The following CCDC60 variants were observed in gnomAD, a reference collection of about 807,000 sequenced individuals.
The protein encoded by CCDC60 is coiled-coil domain containing 60.
Under a neutral mutation model 63.5 loss-of-function variants are expected in CCDC60, and 54 were observed. The observed-to-expected ratio is 0.85, with a 90% CI of 0.68 to 1.07. CCDC60 has a LOEUF of 1.07. Ranked by LOEUF, CCDC60 falls within the 50% of genes least tolerant of loss-of-function variation. The pLI, the probability that CCDC60 is intolerant of heterozygous loss-of-function variation, is 0.00. For missense variants in CCDC60, 651 were observed against 684.3 expected (o/e 0.95, Z 0.54); for synonymous variants, 206 against 238.8 (o/e 0.86, Z 1.27).
chr12:119,420,706 G>A lies in CCDC60; in HGVS notation c.91-7977G>A, dbSNP rs1402435904. ...AATAACTCACTTTTTAAATGACTAA[G>A]AGTATAATTGGATTGTTTGTAACTC... On this transcript the variant is annotated intron_variant, in intron 1 of 13. Coordinates refer to ENST00000327554, the MANE Select transcript of CCDC60 (RefSeq NM_178499.5). The surrounding 1 kb of genome is among the most constrained non-coding windows in gnomAD (Gnocchi z 4.1). 5.3e-5 allele frequency among the ~76,000 whole-genome samples: 8 copies of A among 152,144 alleles called. No individual in the cohort carries two copies. Among genetic ancestry groups the A allele is most frequent in the African/African-American group, 1.9e-4 (8 of 41,438 alleles).
chr12:119,473,661 C>T (rs1197389714), intron 3 of CCDC60, among the ~76,000 whole-genome samples: 1 of 152,130 alleles, frequency 6.6e-6, no homozygotes, highest in Non-Finnish European at 1.5e-5. Flanking sequence ...TTTGCCTTTG[C>T]ATCCTCATAG....
intron 5 of CCDC60, among the ~76,000 whole-genome samples, chr12:119,496,826 A>G (rs192742740): frequency 5.3e-5 from 8 of 152,316 alleles, no homozygotes; most frequent in Non-Finnish European, 8.8e-5. Context: ...CTTAACCACT[A>G]AGATAACACT....
chr12:119,538,372 T>G (rs1953069851), intron 13 of CCDC60, among the ~76,000 whole-genome samples: 1 of 152,206 alleles, frequency 6.6e-6, no homozygotes, highest in Non-Finnish European at 1.5e-5. Flanking sequence ...TTGCACTTCC[T>G]GGGTGAGGCG....
chr12:119,531,436 T>C lies in CCDC60; in HGVS notation c.1551+373T>C, dbSNP rs79634031. Among the ~76,000 whole-genome samples the C allele has an allele frequency of 8.6e-3, 1,304 of 152,346 alleles. 5 individuals are homozygous for C. Among genetic ancestry groups the C allele is most frequent in the Middle Eastern group, 0.024 (7 of 294 alleles). ...AGTCAATCTGCCAACTCCAAGTTTA[T>C]ATTTTAATGGGATTCCAGGTGTCTT... On this transcript the variant is annotated intron_variant, in intron 13 of 13. Transcript: ENST00000327554.
At chr12:119,344,855 T>TCACACACACACACACACACACACA (rs1199779284) in intron 1 of CCDC60, among the ~76,000 whole-genome samples, 2 of 114,798 alleles carry the variant, frequency 1.7e-5, no homozygotes. Flanking sequence ...TCTCTCTCTC[T>TCACACACACACACACACACACACA]CACACACACA....
intron 7 of CCDC60, among the ~76,000 whole-genome samples, chr12:119,506,640 G>A (rs1232353455): frequency 6.6e-6 from 1 of 151,782 alleles, no homozygotes; most frequent in East Asian, 1.9e-4. Context: ...AAGAAGGGAA[G>A]GGGGAATGGG....
intron 1 of CCDC60, among the ~76,000 whole-genome samples, chr12:119,421,032 A>G (rs4285937): frequency 0.25 from 37,288 of 150,816 alleles, 4,928 homozygotes; most frequent in South Asian, 0.42. Flanking sequence ...CTGTCTTTTC[A>G]GCCTCCCTTC....
chr12:119,515,359 C>T (rs1037913865), intron 7 of CCDC60, among the ~76,000 whole-genome samples: 3 of 152,164 alleles, frequency 2.0e-5, no homozygotes, highest in Admixed American at 6.5e-5. Flanking sequence ...CTCACTCTGT[C>T]GTCCAGGCTG....
At chr12:119,425,457 T>G (rs1037583301) in intron 1 of CCDC60, among the ~76,000 whole-genome samples, 6 of 152,158 alleles carry the variant, frequency 3.9e-5, no homozygotes, top group African/African-American at 1.4e-4. Flanking sequence ...GTTTTGCCAC[T>G]CCCAAGAGAG....
chr12:119,537,572 G>T (rs147670845), intron 13 of CCDC60, among the ~76,000 whole-genome samples: 2 of 152,120 alleles, frequency 1.3e-5, no homozygotes, highest in African/African-American at 4.8e-5. Flanking sequence ...GTCTTTGTTG[G>T]TGGTGACCTA....
At chr12:119,451,646 T>C (rs1950637827) in intron 2 of CCDC60, among the ~76,000 whole-genome samples, 1 of 152,220 alleles carries the variant, frequency 6.6e-6, no homozygotes, top group Admixed American at 6.5e-5. Context: ...ATGTAGATTC[T>C]TTGGCGGCAA....
intron 2 of CCDC60, among the ~76,000 whole-genome samples, chr12:119,466,004 C>T (rs535031206): frequency 1.9e-4 from 29 of 152,200 alleles, no homozygotes; most frequent in South Asian, 8.3e-4. Context: ...TCAATGGAAA[C>T]GAAACTTTTC....
intron 1 of CCDC60, among the ~76,000 whole-genome samples, chr12:119,345,072 C>CT (rs113170558): frequency 1.1e-4 from 16 of 152,262 alleles, no homozygotes; most frequent in Admixed American, 5.2e-4. Flanking sequence ...AACATGGTGG[C>CT]TTTTTTGTTG....
At chr12:119,443,246 A>G (rs1016337387) in intron 2 of CCDC60, among the ~76,000 whole-genome samples, 2 of 152,158 alleles carry the variant, frequency 1.3e-5, no homozygotes, top group African/African-American at 4.8e-5. Context: ...AATGTCTCCA[A>G]TCTATTTGCC....
rs758220432 is a variant in CCDC60 at position 119,428,708 on chromosome 12, T to C, written c.116T>C (p.Ile39Thr). 1 of 1,607,204 alleles carries C rather than the reference T, an allele frequency of 6.2e-7. No individual in the cohort carries two copies. Among genetic ancestry groups the C allele is most frequent in the East Asian group, 2.2e-5 (1 of 44,836 alleles). The change falls in exon 2 of 14, where the codon ATC (isoleucine) becomes ACC (threonine). Residue 39 changes from isoleucine to threonine, a missense_variant. Coordinates refer to ENST00000327554, the MANE Select transcript of CCDC60 (RefSeq NM_178499.5). ...RQVPDKPMKS[I>T]KYMDKEIINL... ...GTCCCAGACAAGCCAATGAAGAGCA[T>C]CAAGTATATGGACAAGGAAATAATA... is the stretch of plus-strand genomic sequence containing the variant.
chr12:119,505,011 T>C, intron 6 of CCDC60, 58 bp from the exon 7 acceptor site: 1 of 1,341,510 alleles, frequency 7.5e-7, no homozygotes, highest in Non-Finnish European at 1.0e-6. Flanking sequence ...CCTTTCTTTC[T>C]TTCTTCCATC....
chr12:119,352,506 C>T (rs1415728097), intron 1 of CCDC60, among the ~76,000 whole-genome samples: 1 of 152,208 alleles, frequency 6.6e-6, no homozygotes, highest in Non-Finnish European at 1.5e-5. Context: ...AGATGTTGCA[C>T]TGCTAATGGA....
chr12:119,505,538 A>C (rs376614781), intron 7 of CCDC60, among the ~76,000 whole-genome samples: 1 of 152,260 alleles, frequency 6.6e-6, no homozygotes, highest in Non-Finnish European at 1.5e-5. Flanking sequence ...GTGGTCACCA[A>C]CTGCCCTTTT....
chr12:119,439,864 T>G (rs1478351259), intron 2 of CCDC60, among the ~76,000 whole-genome samples: 1 of 152,214 alleles, frequency 6.6e-6, no homozygotes, highest in Non-Finnish European at 1.5e-5. Flanking sequence ...TCTGGCCATA[T>G]AGCCGACTAG....
Sources: gnomAD v4.1 joint callset for allele counts (sites outside exome capture counted in the v4.1 genomes callset) on GRCh38, gnomAD v4.1.1 for gene constraint, Gnocchi (gnomAD v3.1) non-coding constraint, MANE v1.5 for transcripts, NCBI Gene and HGNC (gene_info 2026-07-23, HGNC 2026-07-21) for gene names.